RHOJ: variants seen among roughly 807,000 people sequenced by gnomAD.
RHOJ encodes the protein ras homolog family member J.
Under a neutral mutation model 23.4 loss-of-function variants are expected in RHOJ, and 11 were observed. That is an observed-to-expected ratio of 0.47 (90% CI 0.30 to 0.78). The LOEUF is 0.78. RHOJ is among the 30% of genes least tolerant of loss of function. RHOJ has a pLI of 0.08. For synonymous variants in RHOJ, 102 were observed against 102.7 expected, an observed-to-expected ratio of 0.99 and a Z score of 0.04; for missense variants, 254 against 273.4, an observed-to-expected ratio of 0.93 and a Z score of 0.50.
intron 1 of RHOJ, among the ~76,000 whole-genome samples, chr14:63,213,718 T>C (rs1894290499): frequency 6.6e-6 from 1 of 152,160 alleles, no homozygotes; most frequent in Admixed American, 6.5e-5. Flanking sequence ...GGTCTTCAGG[T>C]TGGTGAGATA....
rs141131387 is a variant in RHOJ at position 63,239,759 on chromosome 14, G to T, written c.179-29351G>T. ...TTGTGATGGCCACTGCTATCCACTT[G>T]CAGGACAGACTTAAGGAAGCAGACT... is the stretch of plus-strand genomic sequence containing the variant. On this transcript the variant is annotated intron_variant, in intron 1 of 4. Coordinates refer to ENST00000316754, the MANE Select transcript of RHOJ (RefSeq NM_020663.5). Among the ~76,000 whole-genome samples the T allele has an allele frequency of 9.0e-3, 1,364 of 152,286 alleles. 16 individuals are homozygous for T. Among genetic ancestry groups the T allele is most frequent in the Non-Finnish European group, 0.015 (995 of 68,028 alleles).
chr14:63,229,045 G>A (rs1198961214), intron 1 of RHOJ, among the ~76,000 whole-genome samples: 1 of 152,162 alleles, frequency 6.6e-6, no homozygotes, highest in Non-Finnish European at 1.5e-5. Context: ...TTTCATAAGA[G>A]GAACCAAATC....
intron 1 of RHOJ, among the ~76,000 whole-genome samples, chr14:63,213,370 G>T (rs1265412120): frequency 2.0e-5 from 3 of 152,132 alleles, no homozygotes; most frequent in Non-Finnish European, 2.9e-5. Flanking sequence ...CCACTTATAA[G>T]TGAGAACTAA....
At chr14:63,240,136 G>A (rs1454739886) in intron 1 of RHOJ, among the ~76,000 whole-genome samples, 1 of 152,158 alleles carries the variant, frequency 6.6e-6, no homozygotes, top group East Asian at 1.9e-4. Context: ...TTAAAAGGTT[G>A]GATTTGTTTA....
At chr14:63,265,722 G>T (rs376567836) in intron 1 of RHOJ, among the ~76,000 whole-genome samples, 30 of 152,342 alleles carry the variant, frequency 2.0e-4, no homozygotes, top group Non-Finnish European at 3.2e-4. Context: ...TGCATTTTAG[G>T]GGGGGACAGA....
Position 63,239,431 on chromosome 14 carries a change from G to A in RHOJ, c.179-29679G>A, listed in dbSNP as rs549625108. The stretch of plus-strand genomic sequence containing the variant: ...CCGGCCAACAACTCATTTTAAAGTA[G>A]GAATTGAAATGAGCATTCAGACAAC... On this transcript the variant is annotated intron_variant, in intron 1 of 4. Coordinates refer to ENST00000316754, the MANE Select transcript of RHOJ (RefSeq NM_020663.5). Among the ~76,000 whole-genome samples, 4 of 152,294 alleles carry A rather than the reference G, an allele frequency of 2.6e-5. No homozygotes were observed. The South Asian group carries it at 6.2e-4, about 24-fold the overall frequency.
intron 2 of RHOJ, among the ~76,000 whole-genome samples, chr14:63,274,174 C>T (rs1439814348): frequency 6.6e-6 from 1 of 152,182 alleles, no homozygotes; most frequent in Non-Finnish European, 1.5e-5. Context: ...TAAGCCTTCC[C>T]CTTTGCTATT....
At chr14:63,245,039 C>A (rs565385860) in intron 1 of RHOJ, among the ~76,000 whole-genome samples, 1 of 152,284 alleles carries the variant, frequency 6.6e-6, no homozygotes, top group African/African-American at 2.4e-5. Context: ...GGCTATATGA[C>A]CCTCTCTGCA....
intron 1 of RHOJ, among the ~76,000 whole-genome samples, chr14:63,223,883 C>G (rs1894544161): frequency 6.6e-6 from 1 of 152,132 alleles, no homozygotes; most frequent in South Asian, 2.1e-4. Context: ...TCCAATTTCA[C>G]TCAATCCTGA....
intron 1 of RHOJ, among the ~76,000 whole-genome samples, chr14:63,210,560 C>G (rs1894213829): frequency 6.6e-6 from 1 of 152,196 alleles, no homozygotes; most frequent in African/African-American, 2.4e-5. Flanking sequence ...TCCTTACTCC[C>G]TTCCAGGGAT....
chr14:63,216,428 C>A (rs1894357648), intron 1 of RHOJ, among the ~76,000 whole-genome samples: 2 of 152,182 alleles, frequency 1.3e-5, no homozygotes, highest in South Asian at 4.1e-4. Context: ...AACTGTTCAT[C>A]TCTTAGAAAG....
At chr14:63,272,270 T>C (rs989126340) in intron 2 of RHOJ, among the ~76,000 whole-genome samples, 1 of 152,262 alleles carries the variant, frequency 6.6e-6, no homozygotes, top group African/African-American at 2.4e-5. Flanking sequence ...TTTCCATTCC[T>C]AGTCCTAGGT....
chr14:63,250,726 C>T (rs1426570612), intron 1 of RHOJ, among the ~76,000 whole-genome samples: 1 of 152,162 alleles, frequency 6.6e-6, no homozygotes, highest in African/African-American at 2.4e-5. Context: ...TTGTCCCTGA[C>T]CCCTAATCTA....
chr14:63,277,241 G>A lies in RHOJ; in HGVS notation c.238-3730G>A, dbSNP rs565220363. On this transcript the variant is annotated intron_variant, in intron 2 of 4. Transcript: ENST00000316754. ...TCTTCTATGAAATGTGAATGTTGATGGTACCATCCTTCCAGTTCCATCAGG... is the reference window on the plus strand; with the variant it reads ...TCTTCTATGAAATGTGAATGTTGATAGTACCATCCTTCCAGTTCCATCAGG... Among the ~76,000 whole-genome samples, 46 of 152,222 alleles carry A rather than the reference G, an allele frequency of 3.0e-4. 1 individual carries two copies. Among genetic ancestry groups the A allele is most frequent in the African/African-American group, 9.6e-4 (40 of 41,532 alleles).
intron 2 of RHOJ, among the ~76,000 whole-genome samples, chr14:63,272,705 G>A (rs934565780): frequency 1.3e-4 from 20 of 152,214 alleles, no homozygotes; most frequent in African/African-American, 4.3e-4. Context: ...CTGCCCCTCC[G>A]CAATTCAGGC....
chr14:63,253,403 T>G (rs1895107129), intron 1 of RHOJ, among the ~76,000 whole-genome samples: 1 of 147,300 alleles, frequency 6.8e-6, no homozygotes, highest in Non-Finnish European at 1.5e-5. Context: ...AGTAGCTAAT[T>G]TTTTTTTTTT....
intron 1 of RHOJ, among the ~76,000 whole-genome samples, chr14:63,232,841 C>T (rs1299103533): frequency 1.3e-5 from 2 of 151,850 alleles, no homozygotes; most frequent in Non-Finnish European, 2.9e-5. Flanking sequence ...GGACCATAGG[C>T]ATGCACCACC....
At chr14:63,266,097 G>C (rs1453498807) in intron 1 of RHOJ, among the ~76,000 whole-genome samples, 2 of 152,146 alleles carry the variant, frequency 1.3e-5, no homozygotes, top group Admixed American at 6.5e-5. Context: ...AAAGGAAAAG[G>C]AATTTTCTAT....
chr14:63,236,293 AT>A (rs1894788214), intron 1 of RHOJ, among the ~76,000 whole-genome samples: 1 of 152,064 alleles, frequency 6.6e-6, no homozygotes, highest in African/African-American at 2.4e-5. Flanking sequence ...CTTCTGGAAT[AT>A]TTTTTTCAAG....
Sources: gnomAD v4.1 joint callset for allele counts (sites outside exome capture counted in the v4.1 genomes callset) on GRCh38, gnomAD v4.1.1 for gene constraint, MANE v1.5 for transcripts, NCBI Gene and HGNC (gene_info 2026-07-23, HGNC 2026-07-21) for gene names.